TM4SF1: variants seen among roughly 807,000 people sequenced by gnomAD.
TM4SF1 encodes transmembrane 4 L six family member 1.
A neutral mutation model predicts 24.5 loss-of-function variants in TM4SF1; 20 were observed. The ratio of observed to expected loss-of-function variants is 0.82; its 90% CI spans 0.57 to 1.19. The LOEUF is 1.19. TM4SF1 is among the 50% of genes most tolerant of loss of function. The probability of loss-of-function intolerance (pLI) is 0.00; values close to 1 mark genes in which losing one functional copy is unlikely to be tolerated. For missense variants in TM4SF1, 258 were observed against 248.1 expected, an observed-to-expected ratio of 1.04 and a Z score of -0.27; for synonymous variants, 107 against 95.4, an observed-to-expected ratio of 1.12 and a Z score of -0.71.
At chr3:149,370,241 C>A in intron 4 of TM4SF1, 1 of 192,272 alleles carries the variant, frequency 5.2e-6, no homozygotes, top group Non-Finnish European at 1.0e-5. Flanking sequence ...TTAAATGCTA[C>A]CGAGTTATGG....
chr3:149,377,647 A>T lies in TM4SF1; in HGVS notation c.-100T>A. ...CCTTCTGGTGGAGAAAGCAAACACC[A>T]CTCTCAGCCCATTCCTGCTACCTCT... is the stretch of plus-strand genomic sequence containing the variant. On this transcript the variant is annotated 5_prime_UTR_variant, in exon 1 of 5. Coordinates refer to ENST00000305366, the MANE Select transcript of TM4SF1 (RefSeq NM_014220.3). 1.3e-6 allele frequency: 2 copies of T among 1,494,930 alleles called. No homozygotes were observed. Among genetic ancestry groups the T allele is most frequent in the Non-Finnish European group, 1.8e-6 (2 of 1,123,174 alleles). 92.6% of individuals were successfully genotyped at this position (1,494,930 alleles called of 1,614,324 possible).
chr3:149,375,629 C>T, intron 2 of TM4SF1, 41 bp from the exon 3 acceptor site: 1 of 1,614,156 alleles, frequency 6.2e-7, no homozygotes, highest in East Asian at 2.2e-5. Flanking sequence ...CCACAGAGTG[C>T]CACAGCTACA....
chr3:149,375,902 A>C, intron 1 of TM4SF1, 133 bp from the exon 2 acceptor site: 1 of 773,946 alleles, frequency 1.3e-6, no homozygotes, highest in Non-Finnish European at 2.1e-6. Flanking sequence ...CAGATATCTC[A>C]AAGAATGTAA....
rs1731826473 is a variant in TM4SF1, at chr3:149,371,772, C to T, written c.509G>A (p.Gly170Asp). ...AAGACACAAGATGAATTCAATTCCA[C>T]CAAGAGCCAAGAGGATAGAAAACAG... ...VSLFSILLALGGIEFILCLIQ... is the reference protein window; with the variant it reads ...VSLFSILLALDGIEFILCLIQ... The change falls in exon 4 of 5, where the codon GGT (glycine) becomes GAT (aspartate). Residue 170 changes from glycine (G) to aspartate (D), a missense_variant. Gly to Asp is a moderately conservative substitution (Grantham distance 94). Transcript: ENST00000305366. 1 of 1,614,016 alleles carries T rather than the reference C, an allele frequency of 6.2e-7. No homozygotes were observed. Among genetic ancestry groups the T allele is most frequent in the African/African-American group, 1.3e-5 (1 of 74,908 alleles).
chr3:149,370,746 A>G (rs1731802308), intron 4 of TM4SF1: 1 of 152,156 alleles, frequency 6.6e-6, no homozygotes, highest in Admixed American at 6.5e-5. Flanking sequence ...AATTACAGAA[A>G]GTTTCCTTTT....
rs202247556 is a variant in TM4SF1 at position 149,371,877 on chromosome 3, A to C, written c.414-10T>G. ...GGTATCCAGAAGGTACCTGTGGGTAAAAAGAGAAACTTCTGACACACGGTC... is the reference window on the plus strand; with the variant it reads ...GGTATCCAGAAGGTACCTGTGGGTACAAAGAGAAACTTCTGACACACGGTC... On this transcript the variant is annotated splice_polypyrimidine_tract_variant and intron_variant, in intron 3 of 4. Transcript: ENST00000305366. The C allele has an allele frequency of 2.6e-4, 426 of 1,613,616 alleles. 1 individual carries two copies. The African/African-American group carries it at 5.3e-3, about 20-fold the overall frequency.
intron 4 of TM4SF1, 95 bp from the exon 5 acceptor site, chr3:149,369,975 G>T: frequency 6.9e-7 from 1 of 1,456,286 alleles, no homozygotes; most frequent in South Asian, 1.3e-5. Context: ...AACATAAACA[G>T]ACTGATCTTA....
intron 3 of TM4SF1, among the ~76,000 whole-genome samples, chr3:149,373,502 G>A (rs1228401009): frequency 1.1e-4 from 17 of 152,146 alleles, no homozygotes; most frequent in Admixed American, 1.1e-3. Flanking sequence ...CAGAACAAAG[G>A]GGCTTGGAAT....
At chr3:149,374,384 G>A (rs896556166) in intron 3 of TM4SF1, among the ~76,000 whole-genome samples, 1 of 152,086 alleles carries the variant, frequency 6.6e-6, no homozygotes, top group Non-Finnish European at 1.5e-5. Flanking sequence ...AATATAATTT[G>A]TTATTAATAT....
chr3:149,376,311 G>A (rs1464811382), intron 1 of TM4SF1, among the ~76,000 whole-genome samples: 7 of 152,110 alleles, frequency 4.6e-5, no homozygotes, highest in African/African-American at 1.2e-4. Flanking sequence ...GTTCAAGATC[G>A]AAAGAAACTT....
At chr3:149,372,224 G>A (rs1432154160) in intron 3 of TM4SF1, among the ~76,000 whole-genome samples, 2 of 152,174 alleles carry the variant, frequency 1.3e-5, no homozygotes, top group Non-Finnish European at 2.9e-5. Context: ...TAAGATTCAT[G>A]TATGTGTAGG....
Position 149,377,509 on chromosome 3 carries a change from A to G in TM4SF1, c.39T>C (p.Ser13=). 1 of 1,614,078 alleles carries G rather than the reference A, an allele frequency of 6.2e-7. No individual in the cohort carries two copies. Among genetic ancestry groups the G allele is most frequent in the Non-Finnish European group, 8.5e-7 (1 of 1,180,024 alleles). The change falls in exon 1 of 5, where the codon TCT becomes TCC. Residue 13 remains serine (S), a synonymous_variant. Coordinates refer to ENST00000305366, the MANE Select transcript of TM4SF1 (RefSeq NM_014220.3). ...TGCACAGGAGGGCGAGCCCCACCAG[A>G]GAATGTCCGATGCATCGTGCACACT... ...YGKCARCIGH[S]LVGLALLCIA...
At chr3:149,375,371 G>C in intron 3 of TM4SF1, 72 bp downstream of exon 3, 1 of 1,560,784 alleles carries the variant, frequency 6.4e-7, no homozygotes, top group Non-Finnish European at 8.7e-7. Context: ...ATGCCTATCT[G>C]GTTTGATAGA....
intron 4 of TM4SF1, 43 bp downstream of exon 4, chr3:149,371,644 T>A: frequency 6.2e-7 from 1 of 1,610,366 alleles, no homozygotes; most frequent in African/African-American, 1.3e-5. Context: ...AATGGTATAT[T>A]AACACCAGGG....
intron 4 of TM4SF1, chr3:149,370,122 A>T (rs1918123): frequency 2.5e-6 from 1 of 407,242 alleles, no homozygotes. Context: ...GGATACTGAT[A>T]TTGGGTTGCT....
intron 1 of TM4SF1, among the ~76,000 whole-genome samples, chr3:149,376,272 T>G (rs1180111256): frequency 6.6e-6 from 1 of 152,236 alleles, no homozygotes; most frequent in East Asian, 1.9e-4. Context: ...ATTAAGCTCT[T>G]AAAATATAGT....
At chr3:149,371,636 T>C (rs753298798) in intron 4 of TM4SF1, 51 bp downstream of exon 4, 3 of 1,597,830 alleles carry the variant, frequency 1.9e-6, no homozygotes, top group Non-Finnish European at 8.6e-7. Context: ...ATGAAAACAA[T>C]GGTATATTAA....
At chr3:149,376,994 C>G (rs1731968239) in intron 1 of TM4SF1, among the ~76,000 whole-genome samples, 1 of 152,178 alleles carries the variant, frequency 6.6e-6, no homozygotes, top group Non-Finnish European at 1.5e-5. Context: ...GGATTCAAAA[C>G]TGTTGATTTA....
intron 4 of TM4SF1, 186 bp downstream of exon 4, chr3:149,371,501 C>A: frequency 1.5e-6 from 1 of 648,044 alleles, no homozygotes; most frequent in South Asian, 1.9e-5. Flanking sequence ...AATCCTGTGA[C>A]TGTGAGACTC....
Sources: gnomAD v4.1 joint callset for allele counts (sites outside exome capture counted in the v4.1 genomes callset) on GRCh38, gnomAD v4.1.1 for gene constraint, MANE v1.5 for transcripts, NCBI Gene and HGNC (gene_info 2026-07-23, HGNC 2026-07-21) for gene names.